CHRNA6: variants seen among roughly 807,000 people sequenced by gnomAD.
CHRNA6 encodes neuronal acetylcholine receptor subunit alpha-6.
A neutral mutation model predicts 40.9 loss-of-function variants in CHRNA6; 31 were observed. That is an observed-to-expected ratio of 0.76 (90% CI 0.57 to 1.02). The LOEUF (loss-of-function observed/expected upper bound fraction) is 1.02, where lower values mean the gene tolerates loss of function less well. Among genes scored for constraint, CHRNA6 ranks in the 50% least tolerant of loss-of-function variants. CHRNA6 has a pLI of 0.00. For synonymous variants in CHRNA6, 222 were observed against 221.3 expected, an observed-to-expected ratio of 1.00 and a Z score of -0.03; for missense variants, 546 against 596.6, an observed-to-expected ratio of 0.92 and a Z score of 0.88.
chr8:42,755,705 T>G, intron 5 of CHRNA6, 141 bp downstream of exon 5: 1 of 968,364 alleles, frequency 1.0e-6, no homozygotes, highest in East Asian at 2.4e-5. Flanking sequence ...CATAACCACA[T>G]AATAACAGAG....
chr8:42,767,320 T>C (rs1816988922), intron 1 of CHRNA6, among the ~76,000 whole-genome samples: 1 of 152,226 alleles, frequency 6.6e-6, no homozygotes, highest in Non-Finnish European at 1.5e-5. Context: ...GCACTTTCAG[T>C]CACTAAATTC....
chr8:42,767,168 C>T (rs925117556), intron 1 of CHRNA6, among the ~76,000 whole-genome samples: 4 of 152,132 alleles, frequency 2.6e-5, no homozygotes, highest in South Asian at 2.1e-4. Flanking sequence ...GGGGTTTCAC[C>T]GTGTTAGCCA....
intron 1 of CHRNA6, among the ~76,000 whole-genome samples, chr8:42,767,436 A>G (rs533578161): frequency 7.9e-5 from 12 of 152,260 alleles, no homozygotes; most frequent in African/African-American, 2.9e-4. Context: ...TACCTCCTCT[A>G]CAATTTCCTC....
chr8:42,759,427 A>G (rs900647948), intron 2 of CHRNA6: 4 of 276,470 alleles, frequency 1.4e-5, no homozygotes, highest in African/African-American at 2.1e-5. Context: ...AAGGAAGGAA[A>G]GAAAAGAAGA....
At position 42,756,385 on chromosome 8, in the gene CHRNA6, C is replaced by T. The variant is rs771583412; in HGVS notation, c.814G>A (p.Val272Met). 7 of 1,614,190 alleles carry T rather than the reference C, an allele frequency of 4.3e-6. No individual in the cohort carries two copies. The highest frequency in any genetic ancestry group is 1.1e-5 in the South Asian group (1 of 91,080). Residue 272 changes from valine to methionine, a missense_variant, in exon 5 of 6, where the codon GTG becomes ATG. Val to Met is a conservative substitution (Grantham distance 21). Around this residue, in one of 3 missense-constraint regions of CHRNA6, gnomAD observed 476 missense variants for 494.5 expected, o/e 0.96. Coordinates refer to ENST00000276410, the MANE Select transcript of CHRNA6 (RefSeq NM_004198.3). The stretch of plus-strand genomic sequence containing the variant: ...AGCAGGACTGAAATACAAAGCGTCA[C>T]TTTTTCACCACAGTCCGAAGGAAGG... ...FYLPSDCGEK[V>M]TLCISVLLSL...
rs569224332 is a variant in CHRNA6 at position 42,754,903 on chromosome 8, G to A, written c.1353+943C>T. On this transcript the variant is annotated intron_variant, in intron 5 of 5. Coordinates refer to ENST00000276410, the MANE Select transcript of CHRNA6 (RefSeq NM_004198.3). ...TAGGACAAGTGGGGCCAGAGCTGCC[G>A]GAACGAATGCACTCTCGCCCTCTCC... is the stretch of plus-strand genomic sequence containing the variant. 9.2e-5 allele frequency among the ~76,000 whole-genome samples: 14 copies of A among 152,230 alleles called. No individual in the cohort carries two copies. The East Asian group carries it at 9.6e-4, about 10-fold the overall frequency.
chr8:42,753,013 G>A lies in CHRNA6; in HGVS notation c.*166C>T, dbSNP rs969362345. 1.7e-6 allele frequency: 1 copy of A among 593,884 alleles called. No individual in the cohort carries two copies. The highest frequency in any genetic ancestry group is 1.9e-5 in the African/African-American group (1 of 53,140). 36.8% of individuals were successfully genotyped at this position (593,884 alleles called of 1,614,324 possible). ...CTTCTCCCCCTGTGCTACACTGGAGGATATTCTGCTTCCTAATGTGCAAGA... is the reference window on the plus strand; with the variant it reads ...CTTCTCCCCCTGTGCTACACTGGAGAATATTCTGCTTCCTAATGTGCAAGA... On this transcript the variant is annotated 3_prime_UTR_variant, in exon 6 of 6. Coordinates refer to ENST00000276410, the MANE Select transcript of CHRNA6 (RefSeq NM_004198.3).
chr8:42,766,117 C>T (rs188280393), intron 1 of CHRNA6, among the ~76,000 whole-genome samples: 4 of 152,152 alleles, frequency 2.6e-5, no homozygotes, highest in Admixed American at 6.5e-5. Flanking sequence ...TACATGCATG[C>T]GTATGTTCAC....
chr8:42,764,996 A>C (rs546365729), intron 2 of CHRNA6, 69 bp downstream of exon 2: 1 of 1,536,286 alleles, frequency 6.5e-7, no homozygotes, highest in Admixed American at 1.8e-5. Flanking sequence ...TGTATTTCTA[A>C]AATTCCTTCA....
At chr8:42,757,551 C>A (rs1236559350) in intron 3 of CHRNA6, among the ~76,000 whole-genome samples, 3 of 136,528 alleles carry the variant, frequency 2.2e-5, no homozygotes, top group African/African-American at 3.0e-5. Context: ...GGTGAAACCC[C>A]ATTTTTACTA....
In CHRNA6 at chr8:42,756,551, A is replaced by G. The variant is rs767322053; in HGVS notation, c.648T>C (p.His216=). Residue 216 remains histidine, a synonymous_variant, in exon 5 of 6, where the codon CAT becomes CAC. Transcript: ENST00000276410. ...WEIIDASGYK[H]DIKYNCCEEI... Reference sequence around the variant, plus strand: ...CTTCACAACAGTTGTATTTGATGTCATGTTTGTAGCCAGAGGCATCAATGA... The same window carrying G: ...CTTCACAACAGTTGTATTTGATGTCGTGTTTGTAGCCAGAGGCATCAATGA... The G allele has an allele frequency of 1.9e-6, 3 of 1,613,996 alleles. No homozygotes were observed. In the African/African-American group the frequency reaches 4.0e-5, roughly 22 times the overall value.
At position 42,755,894 on chromosome 8, in the gene CHRNA6, A is replaced by G. The variant is rs754266778; in HGVS notation, c.1305T>C (p.Ser435=). 1 of 1,614,182 alleles carries G rather than the reference A, an allele frequency of 6.2e-7. No homozygotes were observed. The highest frequency in any genetic ancestry group is 2.2e-5 in the East Asian group (1 of 44,888). The change falls in exon 5 of 6, where the codon AGT becomes AGC. Residue 435 remains serine, a synonymous_variant. Transcript: ENST00000276410. The part of the protein sequence containing the change: ...HSPEVEDVIN[S]VQFIAENMKS... ...TCATGTTTTCTGCTATGAACTGAAC[A>G]CTGTTAATCACATCTTCAACTTCAG...
intron 3 of CHRNA6, among the ~76,000 whole-genome samples, chr8:42,758,391 C>T (rs943397223): frequency 6.6e-5 from 10 of 151,160 alleles, no homozygotes; most frequent in Admixed American, 5.9e-4. Context: ...GACAGAGTCT[C>T]GCTCTGTTGC....
At chr8:42,760,906 G>A (rs1049588115) in intron 2 of CHRNA6, among the ~76,000 whole-genome samples, 3 of 152,158 alleles carry the variant, frequency 2.0e-5, no homozygotes, top group African/African-American at 7.2e-5. Flanking sequence ...CAGCAGCCTG[G>A]TGGCTGTTTA....
At chr8:42,766,418 G>A (rs748911438) in intron 1 of CHRNA6, among the ~76,000 whole-genome samples, 2 of 152,096 alleles carry the variant, frequency 1.3e-5, no homozygotes, top group Non-Finnish European at 2.9e-5. Context: ...CATGAACCTG[G>A]GAGGCGGAGC....
intron 2 of CHRNA6, among the ~76,000 whole-genome samples, chr8:42,760,661 C>T (rs1563625558): frequency 2.0e-5 from 3 of 152,200 alleles, no homozygotes; most frequent in African/African-American, 7.2e-5. Context: ...CGCTAGCACA[C>T]ATGTGCACAT....
At chr8:42,757,708 A>C (rs1442662146) in intron 3 of CHRNA6, among the ~76,000 whole-genome samples, 3 of 107,842 alleles carry the variant, frequency 2.8e-5, no homozygotes, top group Non-Finnish European at 5.7e-5. Context: ...ACTCCAGCCT[A>C]GGCGACGGAC....
At chr8:42,762,876 A>T (rs1170571169) in intron 2 of CHRNA6, among the ~76,000 whole-genome samples, 1 of 152,222 alleles carries the variant, frequency 6.6e-6, no homozygotes, top group Non-Finnish European at 1.5e-5. Context: ...AGTGGGAGAA[A>T]CAGGCAGAGT....
At chr8:42,756,855 A>G (rs1466950598) in intron 4 of CHRNA6, 31 bp from the exon 5 acceptor site, 14 of 1,608,290 alleles carry the variant, frequency 8.7e-6, no homozygotes, top group African/African-American at 1.3e-5. Flanking sequence ...CATTAGTAAC[A>G]CTCCCTTTGC....
Sources: allele counts gnomAD v4.1 joint callset (sites outside exome capture counted in the v4.1 genomes callset), GRCh38; gene constraint gnomAD v4.1.1; regional missense constraint gnomAD v4.1.1; transcripts MANE v1.5; gene names NCBI Gene and HGNC (gene_info 2026-07-23, HGNC 2026-07-21).